POLR1F: variants seen among roughly 807,000 people sequenced by gnomAD.
The protein encoded by POLR1F is RNA polymerase I subunit F.
Under a neutral mutation model 21.8 loss-of-function variants are expected in POLR1F, and 23 were observed. That is an observed-to-expected ratio of 1.05 (90% CI 0.76 to 1.49). The LOEUF is 1.49. Ranked by LOEUF, POLR1F falls within the 40% of genes most tolerant of loss-of-function variation. The pLI is 0.00. For synonymous variants in POLR1F, 162 were observed against 152.8 expected, an observed-to-expected ratio of 1.06 and a Z score of -0.45; for missense variants, 435 against 412.1, an observed-to-expected ratio of 1.06 and a Z score of -0.48.
Position 19,698,236 on chromosome 7 carries a change from CT to C in POLR1F, c.*79del. ...TTTGTAAACTACTGGCATACTTAACCTTTTCATATCACTGAAAACATTTATT... is the reference window on the plus strand; with the variant it reads ...TTTGTAAACTACTGGCATACTTAACCTTTCATATCACTGAAAACATTTATT... On this transcript the variant is annotated 3_prime_UTR_variant, in exon 4 of 4. Coordinates refer to ENST00000222567, the MANE Select transcript of POLR1F (RefSeq NM_001002926.2). 1 of 1,324,748 alleles carries C rather than the reference CT, an allele frequency of 7.5e-7. No individual in the cohort carries two copies. The allele number at this position is 1,324,748 out of a possible 1,614,324, so 82.1% of individuals were successfully genotyped here.
intron 3 of POLR1F, among the ~76,000 whole-genome samples, chr7:19,699,232 T>A (rs1260183301): frequency 6.6e-6 from 1 of 152,194 alleles, no homozygotes; most frequent in African/African-American, 2.4e-5. Context: ...GATACTAAGA[T>A]AGTATTACTT....
chr7:19,708,041 C>T lies in POLR1F; in HGVS notation c.254+722G>A, dbSNP rs184944029. On this transcript the variant is annotated intron_variant, in intron 1 of 3. Transcript: ENST00000222567. ...CCAGAGGAATACTCAAGCACATGCC[C>T]GCGCCCCCCGCCCCACACCTCTGTA... is the stretch of plus-strand genomic sequence containing the variant. 2.6e-5 allele frequency among the ~76,000 whole-genome samples: 4 copies of T among 152,088 alleles called. No homozygotes were observed. The East Asian group carries it at 7.8e-4, about 29-fold the overall frequency.
rs1181946721 is a variant in POLR1F, at chr7:19,708,778, A to C, written c.239T>G (p.Leu80Arg). The change falls in exon 1 of 4, where the codon CTT (leucine) becomes CGT (arginine). Residue 80 changes from leucine (L) to arginine (R), a missense_variant. Leu to Arg is a moderately radical substitution (Grantham distance 102). Transcript: ENST00000222567. The part of the protein sequence containing the change: ...GIREQLDAEL[L>R]RYSESLLGVP... Reference sequence around the variant, plus strand: ...AGATCGGTACCTCTCAGAATAGCGAAGGAGCTCCGCATCAAGCTGTTCTCG... The same window carrying C: ...AGATCGGTACCTCTCAGAATAGCGACGGAGCTCCGCATCAAGCTGTTCTCG... 1.9e-6 allele frequency: 3 copies of C among 1,612,286 alleles called. No individual in the cohort carries two copies. Among genetic ancestry groups the C allele is most frequent in the Non-Finnish European group, 2.5e-6 (3 of 1,178,404 alleles).
At chr7:19,703,710 C>A (rs987752355) in intron 2 of POLR1F, among the ~76,000 whole-genome samples, 15 of 152,028 alleles carry the variant, frequency 9.9e-5, no homozygotes, top group African/African-American at 3.6e-4. Context: ...TCCTCCTACC[C>A]CAGCCTCCTG....
At chr7:19,708,423 A>AAC (rs1171331258) in intron 1 of POLR1F, among the ~76,000 whole-genome samples, 1 of 152,196 alleles carries the variant, frequency 6.6e-6, no homozygotes, top group Non-Finnish European at 1.5e-5. Flanking sequence ...GGATAAATGA[A>AAC]ACGTTGAATG....
At chr7:19,708,725 C>G (rs763543401) in intron 1 of POLR1F, 38 bp downstream of exon 1, 3 of 1,581,718 alleles carry the variant, frequency 1.9e-6, no homozygotes, top group East Asian at 4.5e-5. Context: ...GCTTTACTTC[C>G]CGTGCACAAA....
At chr7:19,707,517 T>C (rs1384170961) in intron 1 of POLR1F, among the ~76,000 whole-genome samples, 2 of 152,172 alleles carry the variant, frequency 1.3e-5, no homozygotes, top group South Asian at 2.1e-4. Context: ...ATTCTACTTA[T>C]ATAATAGATA....
intron 1 of POLR1F, among the ~76,000 whole-genome samples, chr7:19,705,123 T>G (rs1023509700): frequency 1.3e-5 from 2 of 152,108 alleles, no homozygotes; most frequent in African/African-American, 4.8e-5. Context: ...ACCACTGCAC[T>G]CTTTCAAACC....
chr7:19,704,496 A>ATAAT (rs1419378494), intron 2 of POLR1F, among the ~76,000 whole-genome samples: 1 of 152,238 alleles, frequency 6.6e-6, no homozygotes, highest in Non-Finnish European at 1.5e-5. Context: ...AACTTTTGAA[A>ATAAT]TAATAATGAT....
At chr7:19,700,496 C>T (rs1301264266) in intron 2 of POLR1F, among the ~76,000 whole-genome samples, 1 of 152,124 alleles carries the variant, frequency 6.6e-6, no homozygotes, top group Non-Finnish European at 1.5e-5. Flanking sequence ...AAAGCTCAAA[C>T]TTTATTATAT....
rs1783359220 is a variant in POLR1F at position 19,696,084 on chromosome 7, A to C, written c.*2232T>G. On this transcript the variant is annotated 3_prime_UTR_variant, in exon 4 of 4. Transcript: ENST00000222567. ...GGGTAAGGGATCTAGTCTAGGCTAT[A>C]GGGTTTGTATGAGCAAATTCCAAGA... 1 of 152,140 alleles carries C rather than the reference A, an allele frequency of 6.6e-6. No homozygotes were observed. Among genetic ancestry groups the C allele is most frequent in the Non-Finnish European group, 1.5e-5 (1 of 67,980 alleles). The allele number at this position is 152,140 out of a possible 1,614,324, so 9.4% of individuals were successfully genotyped here.
At chr7:19,700,328 A>G in intron 2 of POLR1F, 48 bp from the exon 3 acceptor site, 2 of 1,454,904 alleles carry the variant, frequency 1.4e-6, no homozygotes, top group East Asian at 2.3e-5. Context: ...ACACATCCAC[A>G]AAGTTAAAAG....
chr7:19,701,277 G>T (rs117239845), intron 2 of POLR1F, among the ~76,000 whole-genome samples: 2,934 of 152,292 alleles, frequency 0.019, 48 homozygotes, highest in South Asian at 0.061. Context: ...CTAAGTGAAA[G>T]AAGTCAATTT....
intron 1 of POLR1F, among the ~76,000 whole-genome samples, chr7:19,707,391 C>T (rs2128007387): frequency 6.6e-6 from 1 of 152,204 alleles, no homozygotes; most frequent in East Asian, 1.9e-4. Context: ...CCCAAAATAA[C>T]AAAAACTGGC....
At position 19,698,282 on chromosome 7, in the gene POLR1F, G is replaced by T. The variant is rs148230406; in HGVS notation, c.*34C>A. 1 of 1,513,436 alleles carries T rather than the reference G, an allele frequency of 6.6e-7. No homozygotes were observed. Among genetic ancestry groups the T allele is most frequent in the Non-Finnish European group, 8.8e-7 (1 of 1,135,700 alleles). 93.8% of individuals were successfully genotyped at this position (1,513,436 alleles called of 1,614,324 possible). ...TTTATTCATCTATTGTATGTAGATC[G>T]ATCTTTTAAAAACTGAATCGTGTTT... On this transcript the variant is annotated 3_prime_UTR_variant, in exon 4 of 4. Coordinates refer to ENST00000222567, the MANE Select transcript of POLR1F (RefSeq NM_001002926.2).
intron 2 of POLR1F, among the ~76,000 whole-genome samples, chr7:19,701,243 T>C (rs1783442521): frequency 6.6e-6 from 1 of 152,172 alleles, no homozygotes. Context: ...TAAAAAGACA[T>C]AGCGAAACCT....
In POLR1F at chr7:19,709,030, G is replaced by C; in HGVS notation, c.-14C>G. ...ACCTGCAGCCATGCTGCTTGTCAAG[G>C]TTCCCACGGCGCGCGCCGTTGACGC... On this transcript the variant is annotated 5_prime_UTR_variant, in exon 1 of 4. Coordinates refer to ENST00000222567, the MANE Select transcript of POLR1F (RefSeq NM_001002926.2). 2 of 1,556,360 alleles carry C rather than the reference G, an allele frequency of 1.3e-6. No individual in the cohort carries two copies. Among genetic ancestry groups the C allele is most frequent in the Non-Finnish European group, 8.7e-7 (1 of 1,153,608 alleles).
intron 1 of POLR1F, chr7:19,705,326 T>C (rs1332951427): frequency 6.4e-6 from 1 of 156,678 alleles, no homozygotes; most frequent in African/African-American, 2.4e-5. Flanking sequence ...GCCCAATTAA[T>C]GCATTAGCAG....
Position 19,698,418 on chromosome 7 carries a change from G to T in POLR1F, c.915C>A (p.Asp305Glu). 1 of 1,607,736 alleles carries T rather than the reference G, an allele frequency of 6.2e-7. No homozygotes were observed. Among genetic ancestry groups the T allele is most frequent in the Non-Finnish European group, 8.5e-7 (1 of 1,178,092 alleles). ...TTCTTTTCTTTTTTTTCTTTTTATG[G>T]TCACTTTGGTAACCACTGGAGTCAC... The part of the protein sequence containing the change: ...QGSDSSGYQS[D>E]HKKKKKKRKH... The change falls in exon 4 of 4, where the codon GAC (aspartate) becomes GAA (glutamate). Residue 305 changes from aspartate (D) to glutamate (E), a missense_variant. Coordinates refer to ENST00000222567, the MANE Select transcript of POLR1F (RefSeq NM_001002926.2).
Sources: gnomAD v4.1 joint callset for allele counts (sites outside exome capture counted in the v4.1 genomes callset) on GRCh38, gnomAD v4.1.1 for gene constraint, MANE v1.5 for transcripts, NCBI Gene and HGNC (gene_info 2026-07-23, HGNC 2026-07-21) for gene names.